RASSF3: variants seen among roughly 807,000 people sequenced by gnomAD.
RASSF3 encodes the protein Ras association domain family member 3.
RASSF3 carries 19 observed loss-of-function variants against 19.9 expected under a neutral mutation model. The observed-to-expected ratio is 0.96, with a 90% CI of 0.67 to 1.40. RASSF3 has a LOEUF of 1.40. RASSF3 is among the 40% of genes most tolerant of loss of function. RASSF3 has a pLI of 0.00. For missense variants in RASSF3, 306 were observed against 289.8 expected (o/e 1.06, Z -0.41); for synonymous variants, 110 against 104.2 (o/e 1.06, Z -0.34).
chr12:64,643,569 A>C (rs996092155), intron 1 of RASSF3, among the ~76,000 whole-genome samples: 4 of 151,994 alleles, frequency 2.6e-5, no homozygotes, highest in Non-Finnish European at 4.4e-5. Context: ...ATAAAACCCC[A>C]AAACAAAAAT....
intron 1 of RASSF3, among the ~76,000 whole-genome samples, chr12:64,659,819 A>G (rs1017686798): frequency 1.3e-5 from 2 of 152,046 alleles, no homozygotes; most frequent in Non-Finnish European, 2.9e-5. Flanking sequence ...GTGGTGGTGC[A>G]TGCCTGTAAT....
At chr12:64,690,689 T>A (rs556934242) in intron 3 of RASSF3, among the ~76,000 whole-genome samples, 1 of 151,798 alleles carries the variant, frequency 6.6e-6, no homozygotes, top group East Asian at 1.9e-4. Context: ...TCCTGCTATG[T>A]TGCCCTGGCT....
At chr12:64,612,290 C>G (rs533028210) in intron 1 of RASSF3, among the ~76,000 whole-genome samples, 66 of 152,236 alleles carry the variant, frequency 4.3e-4, no homozygotes, top group Admixed American at 2.4e-3. Flanking sequence ...TGAAAAGGAA[C>G]TCATGGTAGT....
intron 2 of RASSF3, among the ~76,000 whole-genome samples, chr12:64,584,782 G>T (rs1307626464): frequency 6.6e-6 from 1 of 151,950 alleles, no homozygotes; most frequent in Non-Finnish European, 1.5e-5. Context: ...AGCAAATTTC[G>T]GGGGAGAGGG....
chr12:64,594,507 T>C (rs1033336012), intron 2 of RASSF3, among the ~76,000 whole-genome samples: 3 of 152,230 alleles, frequency 2.0e-5, no homozygotes, highest in Non-Finnish European at 4.4e-5. Flanking sequence ...AATTTGAATG[T>C]ATAACCTTTA....
chr12:64,536,488 C>G (rs1565834818), intron 1 of RASSF3, among the ~76,000 whole-genome samples: 1 of 152,162 alleles, frequency 6.6e-6, no homozygotes, highest in East Asian at 1.9e-4. Flanking sequence ...GACCAGCACA[C>G]AGCTCTCTAA....
At chr12:64,634,967 C>CTTTT (rs139897110) in intron 1 of RASSF3, among the ~76,000 whole-genome samples, 6 of 128,090 alleles carry the variant, frequency 4.7e-5, no homozygotes, top group Admixed American at 2.4e-4. Flanking sequence ...CTTTTCTTTT[C>CTTTT]TTTTTTTTTT....
At chr12:64,516,774 T>C (rs191460226) in intron 1 of RASSF3, among the ~76,000 whole-genome samples, 737 of 150,934 alleles carry the variant, frequency 4.9e-3, no homozygotes, top group South Asian at 8.2e-3. Context: ...CCGAGGCGGG[T>C]GGATCATCTG....
intron 1 of RASSF3, among the ~76,000 whole-genome samples, chr12:64,637,241 G>C (rs1002394109): frequency 1.3e-5 from 2 of 152,158 alleles, no homozygotes; most frequent in Non-Finnish European, 2.9e-5. Context: ...GGTAGGAGAA[G>C]CTTGGATTTG....
intron 1 of RASSF3, among the ~76,000 whole-genome samples, chr12:64,535,714 T>C (rs1868810265): frequency 7.1e-6 from 1 of 141,516 alleles, no homozygotes; most frequent in Admixed American, 7.1e-5. Flanking sequence ...TTAGACGGAG[T>C]TTTGCTCTTA....
chr12:64,570,135 C>T (rs1258101690), intron 2 of RASSF3, among the ~76,000 whole-genome samples: 1 of 152,196 alleles, frequency 6.6e-6, no homozygotes, highest in African/African-American at 2.4e-5. Context: ...TTGGCTCACT[C>T]AGACTTTGGC....
At chr12:64,643,863 G>A (rs1871635539) in intron 1 of RASSF3, among the ~76,000 whole-genome samples, 1 of 152,154 alleles carries the variant, frequency 6.6e-6, no homozygotes, top group African/African-American at 2.4e-5. Flanking sequence ...GTTTCCCAGT[G>A]ATTGACTAAT....
chr12:64,587,715 T>C (rs1195789644), intron 2 of RASSF3, among the ~76,000 whole-genome samples: 2 of 152,204 alleles, frequency 1.3e-5, no homozygotes, highest in African/African-American at 4.8e-5. Context: ...GCTTCCACAG[T>C]TGTGGCTTCT....
chr12:64,508,880 C>A (rs1868309370), intron 1 of RASSF3, among the ~76,000 whole-genome samples: 1 of 151,716 alleles, frequency 6.6e-6, no homozygotes, highest in Non-Finnish European at 1.5e-5. Flanking sequence ...GAGTGAAACT[C>A]CGTCTCAAAA....
intron 2 of RASSF3, among the ~76,000 whole-genome samples, chr12:64,686,502 G>A (rs868796265): frequency 6.7e-6 from 1 of 148,810 alleles, no homozygotes; most frequent in South Asian, 2.2e-4. Context: ...TCCCAGCTAC[G>A]CGGGAGGCTG....
At chr12:64,620,260 A>C (rs982992996) in intron 1 of RASSF3, among the ~76,000 whole-genome samples, 4 of 152,096 alleles carry the variant, frequency 2.6e-5, no homozygotes, top group African/African-American at 9.7e-5. Flanking sequence ...ATGTTGGAGT[A>C]TGTGTCAGAA....
intron 1 of RASSF3, among the ~76,000 whole-genome samples, chr12:64,537,830 T>G (rs1868860749): frequency 6.6e-6 from 1 of 152,202 alleles, no homozygotes; most frequent in South Asian, 2.1e-4. Context: ...GAAAATCATC[T>G]TCTCCTAGTT....
chr12:64,591,220 T>C (rs775639839), intron 2 of RASSF3, among the ~76,000 whole-genome samples: 106 of 152,264 alleles, frequency 7.0e-4, no homozygotes, highest in Non-Finnish European at 9.7e-4. Context: ...CTCACACCTG[T>C]AATCCCAGCA....
chr12:64,547,999 A>G (rs1263296930), intron 2 of RASSF3, among the ~76,000 whole-genome samples: 1 of 151,994 alleles, frequency 6.6e-6, no homozygotes, highest in Non-Finnish European at 1.5e-5. Context: ...TTCTTCGTAA[A>G]ACTGGAAATC....
Sources: gnomAD v4.1 joint callset for allele counts (sites outside exome capture counted in the v4.1 genomes callset) on GRCh38, gnomAD v4.1.1 for gene constraint, MANE v1.5 for transcripts, NCBI Gene and HGNC (gene_info 2026-07-23, HGNC 2026-07-21) for gene names.